Variants in INTS11 observed in about 807,000 individuals in gnomAD.
INTS11 encodes CPSF3-like protein.
In INTS11, 77 loss-of-function variants were observed where a neutral mutation model predicts 78.6. That is an observed-to-expected ratio of 0.98 (90% CI 0.81 to 1.18). The LOEUF (loss-of-function observed/expected upper bound fraction) is 1.18. INTS11 is among the 50% of genes most tolerant of loss of function. INTS11 has a pLI of 0.00. For synonymous variants in INTS11, 441 were observed against 326.9 expected (o/e 1.35, Z -3.77); for missense variants, 875 against 825.9 (o/e 1.06, Z -0.73).
Position 1,312,209 on chromosome 1 carries a change from C to CCG in INTS11, c.1607+16_1607+17insCG. ...AGGGCCCAAGGGAGTGGGGGGGGGG[C>CCG]GGGGCCGGGCGCCCACCTCTTGAGG... On this transcript the variant is annotated intron_variant, in intron 15 of 16. Coordinates refer to ENST00000435064, the MANE Select transcript of INTS11 (RefSeq NM_017871.6). 1 of 863,570 alleles carries CCG rather than the reference C, an allele frequency of 1.2e-6. No individual in the cohort carries two copies. The highest frequency in any genetic ancestry group is 3.7e-5 in the Admixed American group (1 of 26,890). 53.5% of individuals were successfully genotyped at this position (863,570 alleles called of 1,614,324 possible).
At position 1,311,748 on chromosome 1, in the gene INTS11, G is replaced by T; in HGVS notation, c.*111C>A. ...GTGACACAAGGCCTCTGTCCCCAGG[G>T]ATGGGACCTGCAGGGTCTGTTCACC... On this transcript the variant is annotated 3_prime_UTR_variant, in exon 17 of 17. Coordinates refer to ENST00000435064, the MANE Select transcript of INTS11 (RefSeq NM_017871.6). 1.8e-6 allele frequency: 2 copies of T among 1,129,146 alleles called. No homozygotes were observed. Among genetic ancestry groups the T allele is most frequent in the Non-Finnish European group, 2.6e-6 (2 of 776,256 alleles). 69.9% of individuals were successfully genotyped at this position (1,129,146 alleles called of 1,614,324 possible).
Position 1,319,451 on chromosome 1 carries a change from T to C in INTS11, c.274A>G (p.Met92Val), listed in dbSNP as rs1472230554. 10 of 1,612,332 alleles carry C rather than the reference T, an allele frequency of 6.2e-6. No homozygotes were observed. The highest frequency in any genetic ancestry group is 5.5e-5 in the South Asian group (5 of 91,046). ...CAGATGGCCTGGGTGGGGTGAGTCATGTAGATGGGCCCGTCGTAGCCCACC... is the reference window on the plus strand; with the variant it reads ...CAGATGGCCTGGGTGGGGTGAGTCACGTAGATGGGCCCGTCGTAGCCCACC... ...EMVGYDGPIY[M>V]THPTQAICPI... is the part of the protein sequence containing the mutation. Residue 92 changes from methionine (M) to valine (V), a missense_variant, in exon 4 of 17, where the codon ATG becomes GTG. Coordinates refer to ENST00000435064, the MANE Select transcript of INTS11 (RefSeq NM_017871.6).
intron 1 of INTS11, 46 bp downstream of exon 1, chr1:1,324,535 C>T: frequency 6.4e-7 from 1 of 1,570,442 alleles, no homozygotes; most frequent in Non-Finnish European, 8.6e-7. Context: ...CGCCCGGAGC[C>T]GCATACGGAG....
rs371231719 is a variant in INTS11 at position 1,313,721 on chromosome 1, G to A, written c.957+11C>T. On this transcript the variant is annotated intron_variant, in intron 9 of 16. Transcript: ENST00000435064. ...TGTGGATGTGCTGGCCGGCCCTGCC[G>A]CGGGCCTCACCATCGGTCCTGGGTT... 11 of 1,610,872 alleles carry A rather than the reference G, an allele frequency of 6.8e-6. No homozygotes were observed. Among genetic ancestry groups the A allele is most frequent in the East Asian group, 6.7e-5 (3 of 44,842 alleles).
At chr1:1,315,306 T>A in intron 6 of INTS11, 98 bp downstream of exon 6, 1 of 1,448,608 alleles carries the variant, frequency 6.9e-7, no homozygotes, top group East Asian at 2.3e-5. Flanking sequence ...TGGGAGACAC[T>A]GCCAGGCTGG....
At chr1:1,324,115 A>G (rs1460512671) in intron 1 of INTS11, among the ~76,000 whole-genome samples, 13 of 876 alleles carry the variant, frequency 0.015, no homozygotes, top group Non-Finnish European at 0.034. Flanking sequence ...TGGGGGGCTG[A>G]GGGTCTGCGG....
In INTS11 at chr1:1,314,594, G is replaced by C; in HGVS notation, c.703-229C>G. ...AAGGGAGCTGCATGAGAGACAGAAG[G>C]AGCCTGGCCAGGGCTTCGTCCGCAC... is the stretch of plus-strand genomic sequence containing the variant. On this transcript the variant is annotated intron_variant, in intron 7 of 16. Coordinates refer to ENST00000435064, the MANE Select transcript of INTS11 (RefSeq NM_017871.6). The surrounding 1 kb of genome is among the most constrained non-coding windows in gnomAD (Gnocchi z 4.2). 1 of 640,536 alleles carries C rather than the reference G, an allele frequency of 1.6e-6. No individual in the cohort carries two copies. The allele number at this position is 640,536 out of a possible 1,614,324, so 39.7% of individuals were successfully genotyped here. A position where few individuals can be genotyped will look rare whatever the true frequency, so the allele number is the denominator to read the frequency against.
At chr1:1,323,403 G>A (rs1288812949) in intron 1 of INTS11, 1 of 1,190,336 alleles carries the variant, frequency 8.4e-7, no homozygotes, top group African/African-American at 1.5e-5. Flanking sequence ...GTTCTATACT[G>A]TTACGACTTT....
rs1288242742 is a variant in INTS11, at chr1:1,312,365, A to C, written c.1468T>G (p.Phe490Val). Residue 490 changes from phenylalanine to valine, a missense_variant, in exon 15 of 17, where the codon TTC becomes GTC. Transcript: ENST00000435064. ...GCTTGCTCTGAGGACACCAGCCGGA[A>C]GTTCTGTGGGGCAGGGACAGGTCAG... is the stretch of plus-strand genomic sequence containing the variant. ...HGTLIMKDSN[F>V]RLVSSEQALK... The C allele has an allele frequency of 1.3e-6, 2 of 1,566,394 alleles. No individual in the cohort carries two copies. Among genetic ancestry groups the C allele is most frequent in the South Asian group, 2.3e-5 (2 of 85,498 alleles).
In INTS11 at chr1:1,321,097, C is replaced by A; in HGVS notation, c.29-4G>T. The A allele has an allele frequency of 6.2e-7, 1 of 1,607,776 alleles. No individual in the cohort carries two copies. Among genetic ancestry groups the A allele is most frequent in the African/African-American group, 1.3e-5 (1 of 75,002 alleles). ...CGGCCCACGTCCTGGCCGGCCCCTA[C>A]TCGAGGGAGGGCAGATGAGTCACTG... On this transcript the variant is annotated splice_polypyrimidine_tract_variant and splice_region_variant and intron_variant, in intron 1 of 16. Transcript: ENST00000435064.
intron 1 of INTS11, chr1:1,321,757 G>C (rs1642959472): frequency 2.0e-6 from 1 of 495,008 alleles, no homozygotes. Flanking sequence ...CTGCCCAGCT[G>C]CTCCAGCCAG....
In INTS11 at chr1:1,314,176, G is replaced by GC. The variant is rs942516502; in HGVS notation, c.767+124dup. The GC allele has an allele frequency of 2.5e-5, 24 of 953,706 alleles. No individual in the cohort carries two copies. Among genetic ancestry groups the GC allele is most frequent in the Non-Finnish European group, 3.1e-5 (19 of 607,734 alleles). The allele number at this position is 953,706 out of a possible 1,614,324, so 59.1% of individuals were successfully genotyped here. A position where few individuals can be genotyped will look rare whatever the true frequency, so the allele number is the denominator to read the frequency against. On this transcript the variant is annotated intron_variant, in intron 8 of 16. Coordinates refer to ENST00000435064, the MANE Select transcript of INTS11 (RefSeq NM_017871.6). This position sits in a 1 kb window ranked among gnomAD's most constrained non-coding sequence, Gnocchi z 4.2. ...CCTGGGGTCACACAGCACACGAGCG[G>GC]CCCCCCAGGACAGCAGCAAGCAGGG...
At chr1:1,320,808 C>T in intron 2 of INTS11, 188 bp downstream of exon 2, 1 of 728,772 alleles carries the variant, frequency 1.4e-6, no homozygotes, top group Non-Finnish European at 2.5e-6. Context: ...TCAGCGCCAG[C>T]ACAGGGGGAC....
chr1:1,312,303 G>A lies in INTS11; in HGVS notation c.1530C>T (p.Arg510=). ...KELGLAEHQL[R]FTCRVHLHDT... is the part of the protein sequence containing the mutation. ...CATGCAGGTGCACGCGGCAGGTGAAGCGCAGCTGGTGCTCAGCCAGACCCA... is the reference window on the plus strand; with the variant it reads ...CATGCAGGTGCACGCGGCAGGTGAAACGCAGCTGGTGCTCAGCCAGACCCA... The change falls in exon 15 of 17, where the codon CGC becomes CGT. Residue 510 remains arginine, a synonymous_variant. Transcript: ENST00000435064. 1 of 1,551,166 alleles carries A rather than the reference G, an allele frequency of 6.4e-7. No individual in the cohort carries two copies. The highest frequency in any genetic ancestry group is 8.7e-7 in the Non-Finnish European group (1 of 1,147,346).
chr1:1,312,208 G>GGGCGGGGC lies in INTS11; in HGVS notation c.1607+17_1607+18insGCCCCGCC. 1 of 1,123,370 alleles carries GGGCGGGGC rather than the reference G, an allele frequency of 8.9e-7. No individual in the cohort carries two copies. The allele number at this position is 1,123,370 out of a possible 1,614,324, so 69.6% of individuals were successfully genotyped here. A position where few individuals can be genotyped will look rare whatever the true frequency, so the allele number is the denominator to read the frequency against. On this transcript the variant is annotated intron_variant, in intron 15 of 16. Coordinates refer to ENST00000435064, the MANE Select transcript of INTS11 (RefSeq NM_017871.6). The stretch of plus-strand genomic sequence containing the variant: ...CAGGGCCCAAGGGAGTGGGGGGGGG[G>GGGCGGGGC]CGGGGCCGGGCGCCCACCTCTTGAG...
chr1:1,313,616 G>C (rs747488263), intron 9 of INTS11, 24 bp from the exon 10 acceptor site: 5 of 1,612,258 alleles, frequency 3.1e-6, no homozygotes, highest in Admixed American at 1.7e-5. Flanking sequence ...AGGGCCAGGT[G>C]GGGGGTCAGG....
rs558050022 is a variant in INTS11 at position 1,314,509 on chromosome 1, C to T, written c.703-144G>A. The T allele has an allele frequency of 1.0e-4, 74 of 730,078 alleles. No homozygotes were observed. Among genetic ancestry groups the T allele is most frequent in the Admixed American group, 3.2e-4 (11 of 34,430 alleles). The allele number at this position is 730,078 out of a possible 1,614,324, so 45.2% of individuals were successfully genotyped here. On this transcript the variant is annotated intron_variant, in intron 7 of 16. Transcript: ENST00000435064. The surrounding 1 kb of genome is among the most constrained non-coding windows in gnomAD (Gnocchi z 4.2). ...CATCTGCTCCCAGTCCCGTCCCAGCCGCTCTCCAGAGACAGAAGGGAGCCG... is the reference window on the plus strand; with the variant it reads ...CATCTGCTCCCAGTCCCGTCCCAGCTGCTCTCCAGAGACAGAAGGGAGCCG...
chr1:1,323,877 G>A (rs1416284266), intron 1 of INTS11, among the ~76,000 whole-genome samples: 3 of 38,752 alleles, frequency 7.7e-5, no homozygotes, highest in African/African-American at 3.7e-4. Context: ...GGGGCTGGGG[G>A]GCTGAGGGGC....
rs780898796 is a variant in INTS11 at position 1,313,842 on chromosome 1, T to C, written c.847A>G (p.Ile283Val). Reference sequence around the variant, plus strand: ...CGGATCTTCTGGTTGGTCCAGGGGATGAACAGCTTGTAGTAGTGGTTGGCC... The same window carrying C: ...CGGATCTTCTGGTTGGTCCAGGGGACGAACAGCTTGTAGTAGTGGTTGGCC... ...EKANHYYKLF[I>V]PWTNQKIRKT... The change falls in exon 9 of 17, where the codon ATC becomes GTC. Residue 283 changes from isoleucine (I) to valine (V), a missense_variant. Physicochemically the swap from Ile to Val is conservative, Grantham distance 29. Coordinates refer to ENST00000435064, the MANE Select transcript of INTS11 (RefSeq NM_017871.6). 7.4e-6 allele frequency: 12 copies of C among 1,613,462 alleles called. No homozygotes were observed. The highest frequency in any genetic ancestry group is 5.0e-5 in the Admixed American group (3 of 60,014).
Sources: allele counts gnomAD v4.1 joint callset (sites outside exome capture counted in the v4.1 genomes callset), GRCh38; gene constraint gnomAD v4.1.1; non-coding constraint Gnocchi (gnomAD v3.1); transcripts MANE v1.5; gene names NCBI Gene and HGNC (gene_info 2026-07-23, HGNC 2026-07-21).